The following EPB41L5 variants were observed in gnomAD, a reference collection of about 807,000 sequenced individuals.
EPB41L5 encodes erythrocyte membrane protein band 4.1 like 5.
In EPB41L5, 55 loss-of-function variants were observed where a neutral mutation model predicts 106.6. The ratio of observed to expected loss-of-function variants is 0.52; its 90% CI spans 0.42 to 0.65. EPB41L5 has a LOEUF of 0.65. Ranked by LOEUF, EPB41L5 falls within the 30% of genes least tolerant of loss-of-function variation. The pLI, the probability that EPB41L5 is intolerant of heterozygous loss-of-function variation, is 0.00. For synonymous variants in EPB41L5, 297 were observed against 306.7 expected, an observed-to-expected ratio of 0.97 and a Z score of 0.33; for missense variants, 871 against 882.1, an observed-to-expected ratio of 0.99 and a Z score of 0.16.
intron 3 of EPB41L5, among the ~76,000 whole-genome samples, chr2:120,048,416 C>T (rs570752070): frequency 1.3e-5 from 2 of 152,144 alleles, no homozygotes; most frequent in South Asian, 4.2e-4. Context: ...GGAATTTATC[C>T]ATGTTTTCTA....
At chr2:120,059,384 A>G (rs1444839398) in intron 3 of EPB41L5, among the ~76,000 whole-genome samples, 1 of 152,186 alleles carries the variant, frequency 6.6e-6, no homozygotes, top group African/African-American at 2.4e-5. Context: ...CTTAGAGACA[A>G]ATAAACAGGA....
In EPB41L5 at chr2:120,090,425, G is replaced by C; in HGVS notation, c.952G>C (p.Glu318Gln). The C allele has an allele frequency of 1.2e-6, 2 of 1,613,754 alleles. No homozygotes were observed. The highest frequency in any genetic ancestry group is 1.7e-6 in the Non-Finnish European group (2 of 1,179,788). Residue 318 changes from glutamate (E) to glutamine (Q), a missense_variant, in exon 12 of 25, where the codon GAG (glutamate) becomes CAG (glutamine). Coordinates refer to ENST00000263713, the MANE Select transcript of EPB41L5 (RefSeq NM_020909.4). ...ACKHLWKCAV[E>Q]HHAFFRLRGP... ...CAAACATTTATGGAAATGTGCTGTG[G>C]AGCATCATGCTTTCTTCCGCCTTCG...
rs532648376 is a variant in EPB41L5, at chr2:120,129,131, G to A, written c.1501+1280G>A. ...GTAGAAGCCCAAACCATGGTACCAC[G>A]TAATATACCCTTATAACAAACCTGC... On this transcript the variant is annotated intron_variant, in intron 17 of 24. Coordinates refer to ENST00000263713, the MANE Select transcript of EPB41L5 (RefSeq NM_020909.4). Among the ~76,000 whole-genome samples the A allele has an allele frequency of 2.9e-4, 44 of 152,168 alleles. No homozygotes were observed. In the South Asian group the frequency reaches 6.6e-3, roughly 23 times the overall value.
intron 18 of EPB41L5, among the ~76,000 whole-genome samples, chr2:120,140,713 A>G (rs1297589371): frequency 6.6e-6 from 1 of 152,062 alleles, no homozygotes; most frequent in Non-Finnish European, 1.5e-5. Context: ...CCAAAATCTG[A>G]AAAAATACAA....
chr2:120,160,570 C>G, intron 20 of EPB41L5: 1 of 232,142 alleles, frequency 4.3e-6, no homozygotes, highest in East Asian at 9.8e-5. Flanking sequence ...TTTTGAGGAA[C>G]CTCCATACTG....
At chr2:120,053,996 G>A (rs557918546) in intron 3 of EPB41L5, among the ~76,000 whole-genome samples, 1 of 152,302 alleles carries the variant, frequency 6.6e-6, no homozygotes, top group East Asian at 1.9e-4. Context: ...AACTTTTCCA[G>A]TGATGGCACC....
intron 2 of EPB41L5, among the ~76,000 whole-genome samples, chr2:120,039,730 CAGG>C (rs1679275346): frequency 6.7e-6 from 1 of 149,688 alleles, no homozygotes; most frequent in South Asian, 2.1e-4. Context: ...GAGGCTGAGG[CAGG>C]AGAATTGCTT....
At chr2:120,100,613 G>T in intron 15 of EPB41L5, 86 bp from the exon 16 acceptor site, 2 of 937,006 alleles carry the variant, frequency 2.1e-6, no homozygotes, top group South Asian at 2.8e-5. Context: ...TGTTGGCTTT[G>T]TAAATAGTAC....
At position 120,162,794 on chromosome 2, in the gene EPB41L5, G is replaced by C. The variant is rs552189494; in HGVS notation, c.1887+1820G>C. Among the ~76,000 whole-genome samples, 19 of 152,290 alleles carry C rather than the reference G, an allele frequency of 1.2e-4. No individual in the cohort carries two copies. In the South Asian group the frequency reaches 3.5e-3, roughly 28 times the overall value. On this transcript the variant is annotated intron_variant, in intron 21 of 24. Transcript: ENST00000263713. ...GGGAGAGAGAATCGTAATACATTGT[G>C]GTAGACTTGCACAAGCTGTTATGGT...
At chr2:120,064,370 A>G (rs1022767614) in intron 3 of EPB41L5, among the ~76,000 whole-genome samples, 4 of 152,156 alleles carry the variant, frequency 2.6e-5, no homozygotes, top group Non-Finnish European at 4.4e-5. Context: ...GCATTTCTTT[A>G]TTAGAGACAT....
chr2:120,150,076 G>C (rs1032598612), intron 20 of EPB41L5, among the ~76,000 whole-genome samples: 2 of 151,462 alleles, frequency 1.3e-5, no homozygotes, highest in Non-Finnish European at 2.9e-5. Context: ...TTTCATTTCT[G>C]GGAGAGACAA....
intron 1 of EPB41L5, among the ~76,000 whole-genome samples, chr2:120,016,467 C>T (rs187866813): frequency 2.6e-5 from 4 of 152,026 alleles, no homozygotes; most frequent in Admixed American, 2.0e-4. Context: ...ATAGCATGGT[C>T]AAGTCTCCCT....
chr2:120,091,800 C>A, intron 13 of EPB41L5, 139 bp downstream of exon 13: 1 of 642,308 alleles, frequency 1.6e-6, no homozygotes, highest in South Asian at 2.1e-5. Context: ...CTGGCAGAAT[C>A]AATTTCATGG....
intron 3 of EPB41L5, among the ~76,000 whole-genome samples, chr2:120,064,408 T>G (rs188770202): frequency 6.6e-6 from 1 of 152,116 alleles, no homozygotes; most frequent in East Asian, 1.9e-4. Flanking sequence ...AAGGCAGGAG[T>G]CATTGATTTG....
chr2:120,151,309 T>TAAC (rs1686663492), intron 20 of EPB41L5, among the ~76,000 whole-genome samples: 1 of 151,372 alleles, frequency 6.6e-6, no homozygotes, highest in Non-Finnish European at 1.5e-5. Flanking sequence ...CAAAAAATAA[T>TAAC]AATAATAATA....
intron 3 of EPB41L5, among the ~76,000 whole-genome samples, chr2:120,052,028 C>T (rs1249167572): frequency 6.6e-6 from 1 of 152,122 alleles, no homozygotes. Context: ...GGTTTCACCA[C>T]ATTGGCCAGG....
chr2:120,106,462 A>C lies in EPB41L5; in HGVS notation c.1337+5648A>C, dbSNP rs1313968895. On this transcript the variant is annotated intron_variant, in intron 16 of 24. Transcript: ENST00000263713. The stretch of plus-strand genomic sequence containing the variant: ...ACCTAAATTAAATAAATTGTCACCA[A>C]CCTATTTACACTCTACATTTTATTA... The C allele has an allele frequency of 3.0e-6, 3 of 985,254 alleles. No individual in the cohort carries two copies. In the African/African-American group the frequency reaches 5.2e-5, roughly 17 times the overall value. The allele number at this position is 985,254 out of a possible 1,614,324, so 61.0% of individuals were successfully genotyped here. A position where few individuals can be genotyped will look rare whatever the true frequency, so the allele number is the denominator to read the frequency against.
chr2:120,135,626 C>T (rs554751549), intron 18 of EPB41L5, among the ~76,000 whole-genome samples: 2 of 152,226 alleles, frequency 1.3e-5, no homozygotes, highest in South Asian at 4.1e-4. Flanking sequence ...AAACAACATA[C>T]AAAGGTGCTT....
At chr2:120,025,345 C>T (rs1215885710) in intron 2 of EPB41L5, among the ~76,000 whole-genome samples, 1 of 152,048 alleles carries the variant, frequency 6.6e-6, no homozygotes, top group Non-Finnish European at 1.5e-5. Flanking sequence ...GTGATATCCT[C>T]TTTATTATTT....
Sources: allele counts gnomAD v4.1 joint callset (sites outside exome capture counted in the v4.1 genomes callset), GRCh38; gene constraint gnomAD v4.1.1; transcripts MANE v1.5; gene names NCBI Gene and HGNC (gene_info 2026-07-23, HGNC 2026-07-21).